CCDC102B: variants seen among roughly 807,000 people sequenced by gnomAD.
CCDC102B encodes coiled-coil domain containing 102B.
In CCDC102B, 75 loss-of-function variants were observed where a neutral mutation model predicts 57.4. The ratio of observed to expected loss-of-function variants is 1.31; its 90% CI spans 1.08 to 1.58. CCDC102B has a LOEUF of 1.58. Among genes scored for constraint, CCDC102B ranks in the 40% most tolerant of loss-of-function variants. CCDC102B has a pLI of 0.00. For synonymous variants in CCDC102B, 206 were observed against 201.9 expected, an observed-to-expected ratio of 1.02 and a Z score of -0.17; for missense variants, 636 against 582.6, an observed-to-expected ratio of 1.09 and a Z score of -0.94.
chr18:68,765,369 GAAAGAAAGA>G (rs1334200765), intron 2 of CCDC102B, among the ~76,000 whole-genome samples: 32 of 126,246 alleles, frequency 2.5e-4, no homozygotes, highest in African/African-American at 8.2e-4. Context: ...AAGAAAGAAA[GAAAGAAAGA>G]AAAGAAAGAA....
At chr18:68,889,792 G>A (rs770600340) in intron 5 of CCDC102B, among the ~76,000 whole-genome samples, 7 of 152,172 alleles carry the variant, frequency 4.6e-5, no homozygotes, top group Non-Finnish European at 1.0e-4. Context: ...ATAGCAACCT[G>A]TATGGACTAA....
chr18:69,039,153 A>T (rs1010068314), intron 7 of CCDC102B, among the ~76,000 whole-genome samples: 5 of 151,992 alleles, frequency 3.3e-5, no homozygotes, highest in African/African-American at 1.2e-4. Context: ...ATCTAACTGA[A>T]GATACAAAGC....
chr18:68,793,387 C>T (rs554863568), upstream of CCDC102B, among the ~76,000 whole-genome samples: 1 of 152,064 alleles, frequency 6.6e-6, no homozygotes, highest in African/African-American at 2.4e-5. Flanking sequence ...AAAAGTTTGT[C>T]GATGACAGGC....
intron 4 of CCDC102B, among the ~76,000 whole-genome samples, chr18:68,871,408 C>T (rs2039233258): frequency 6.6e-6 from 1 of 152,004 alleles, no homozygotes; most frequent in East Asian, 1.9e-4. Flanking sequence ...AATTTTTCAG[C>T]TGCTAAATAG....
chr18:69,054,784 T>C lies in CCDC102B; in HGVS notation c.*647T>C. On this transcript the variant is annotated 3_prime_UTR_variant, in exon 8 of 8. Coordinates refer to ENST00000360242, the MANE Select transcript of CCDC102B (RefSeq NM_024781.3). Reference sequence around the variant, plus strand: ...ATCGCTGAGAAACTAAAAGGACTTTTGACTTTTATCTGGATAGACATTTCT... The same window carrying C: ...ATCGCTGAGAAACTAAAAGGACTTTCGACTTTTATCTGGATAGACATTTCT... 1.0e-6 allele frequency: 1 copy of C among 985,368 alleles called. No homozygotes were observed. The allele number at this position is 985,368 out of a possible 1,614,324, so 61.0% of individuals were successfully genotyped here.
chr18:69,002,114 T>C (rs956722222), intron 6 of CCDC102B, among the ~76,000 whole-genome samples: 1 of 152,098 alleles, frequency 6.6e-6, no homozygotes, highest in African/African-American at 2.4e-5. Context: ...TCACACTCAG[T>C]GAAACAATTA....
At chr18:68,830,233 G>T (rs1249560024) in intron 1 of CCDC102B, among the ~76,000 whole-genome samples, 1 of 151,936 alleles carries the variant, frequency 6.6e-6, no homozygotes, top group African/African-American at 2.4e-5. Context: ...CCTAAATTTA[G>T]AAAGTGGTAG....
intron 6 of CCDC102B, among the ~76,000 whole-genome samples, chr18:68,986,159 C>T (rs780587909): frequency 6.6e-6 from 1 of 152,076 alleles, no homozygotes; most frequent in African/African-American, 2.4e-5. Context: ...TCTGTGACAA[C>T]AGCATCAGCC....
intron 7 of CCDC102B, among the ~76,000 whole-genome samples, chr18:69,035,140 A>G (rs2052254320): frequency 6.6e-6 from 1 of 152,066 alleles, no homozygotes; most frequent in African/African-American, 2.4e-5. Flanking sequence ...TAACAATTGC[A>G]TTACTAGTAT....
chr18:68,750,263 G>A (rs1195295434), intron 2 of CCDC102B, among the ~76,000 whole-genome samples: 2 of 152,164 alleles, frequency 1.3e-5, no homozygotes, highest in African/African-American at 4.8e-5. Flanking sequence ...ACACCAGTTA[G>A]AATGGCGATC....
intron 6 of CCDC102B, among the ~76,000 whole-genome samples, chr18:68,973,410 C>G (rs762135117): frequency 1.3e-5 from 2 of 152,084 alleles, no homozygotes; most frequent in Non-Finnish European, 2.9e-5. Flanking sequence ...ACCTAGCTTA[C>G]TGAGTTTAAC....
At chr18:68,986,950 A>G (rs998942927) in intron 6 of CCDC102B, among the ~76,000 whole-genome samples, 8 of 152,200 alleles carry the variant, frequency 5.3e-5, no homozygotes, top group South Asian at 2.1e-4. Context: ...AAAACATCCC[A>G]TGCTCATGGA....
At chr18:68,987,928 G>A (rs941137157) in intron 6 of CCDC102B, among the ~76,000 whole-genome samples, 5 of 152,198 alleles carry the variant, frequency 3.3e-5, no homozygotes, top group African/African-American at 1.2e-4. Context: ...AAAAGGGAAT[G>A]CTCATACACT....
At chr18:68,883,223 A>G (rs781071743) in intron 5 of CCDC102B, among the ~76,000 whole-genome samples, 1 of 152,030 alleles carries the variant, frequency 6.6e-6, no homozygotes, top group Admixed American at 6.6e-5. Flanking sequence ...GTTGGAGACC[A>G]TGGTGAAACC....
At chr18:69,034,410 A>G (rs1274109486) in intron 7 of CCDC102B, among the ~76,000 whole-genome samples, 3 of 151,870 alleles carry the variant, frequency 2.0e-5, no homozygotes, top group African/African-American at 7.2e-5. Flanking sequence ...TGCAGGTTCA[A>G]CTTCATTATT....
intron 6 of CCDC102B, among the ~76,000 whole-genome samples, chr18:68,953,545 A>G (rs1445914517): frequency 1.5e-5 from 2 of 129,460 alleles, no homozygotes; most frequent in African/African-American, 7.0e-5. Context: ...ATTGTTTAGT[A>G]GCGGTTTTTT....
At chr18:68,890,158 T>C (rs1326501419) in intron 5 of CCDC102B, among the ~76,000 whole-genome samples, 1 of 148,630 alleles carries the variant, frequency 6.7e-6, no homozygotes, top group African/African-American at 2.5e-5. Context: ...ATTGCTTACC[T>C]TTTTTTTTTA....
chr18:68,986,082 T>TA (rs1368660786), intron 6 of CCDC102B, among the ~76,000 whole-genome samples: 8 of 152,064 alleles, frequency 5.3e-5, no homozygotes, highest in Admixed American at 4.6e-4. Context: ...CAAGAAAATT[T>TA]AAAAAAACTG....
At chr18:68,815,492 T>C (rs1471299551) in intron 1 of CCDC102B, among the ~76,000 whole-genome samples, 6 of 152,212 alleles carry the variant, frequency 3.9e-5, no homozygotes, top group Non-Finnish European at 8.8e-5. Context: ...ACAAGTTCTT[T>C]GCTAAGAAGC....
Sources: allele counts gnomAD v4.1 joint callset (sites outside exome capture counted in the v4.1 genomes callset), GRCh38; gene constraint gnomAD v4.1.1; transcripts MANE v1.5; gene names NCBI Gene and HGNC (gene_info 2026-07-23, HGNC 2026-07-21).